SCUBE3: variants seen among roughly 807,000 people sequenced by gnomAD.
SCUBE3 encodes the protein signal peptide, CUB domain and EGF like domain containing 3, also known as signal peptide, CUB and EGF-like domain-containing protein 3.
SCUBE3 carries 33 observed loss-of-function variants against 116.8 expected under a neutral mutation model. That is an observed-to-expected ratio of 0.28 (90% CI 0.21 to 0.38). The LOEUF is 0.38. SCUBE3 is among the 10% of genes least tolerant of loss of function. The pLI is 1.00. For synonymous variants in SCUBE3, 418 were observed against 496.9 expected (o/e 0.84, Z 2.11); for missense variants, 1,007 against 1,324.8 (o/e 0.76, Z 3.72).
intron 14 of SCUBE3, 43 bp from the exon 15 acceptor site, chr6:35,242,978 C>A: frequency 6.3e-7 from 1 of 1,592,042 alleles, no homozygotes; most frequent in Non-Finnish European, 8.6e-7. Context: ...CTGCTCACAG[C>A]AACTCTTTCT....
chr6:35,242,578 C>G, intron 13 of SCUBE3, 44 bp from the exon 14 acceptor site: 2 of 1,576,902 alleles, frequency 1.3e-6, no homozygotes, highest in Non-Finnish European at 1.7e-6. Context: ...GGAGTGAGAA[C>G]TTTCCAGGGG....
At position 35,242,262 on chromosome 6, in the gene SCUBE3, C is replaced by G; in HGVS notation, c.1476C>G (p.Cys492Trp). The G allele has an allele frequency of 6.2e-7, 1 of 1,614,068 alleles. No individual in the cohort carries two copies. Among genetic ancestry groups the G allele is most frequent in the Non-Finnish European group, 8.5e-7 (1 of 1,179,926 alleles). ...CCTTCAAGATCAAGGATGCCAAATG[C>G]CGTTTGCACCTGCGAAACAAAGGCA... Reference protein sequence around the residue: ...RASFKIKDAKCRLHLRNKGKT... With the variant: ...RASFKIKDAKWRLHLRNKGKT... The change falls in exon 13 of 22, where the codon TGC becomes TGG. Residue 492 changes from cysteine (C) to tryptophan (W), a missense_variant. This residue lies in a region of SCUBE3 where 544 missense variants were observed against 638.9 expected (regional missense o/e 0.85). Coordinates refer to ENST00000274938, the MANE Select transcript of SCUBE3 (RefSeq NM_152753.4).
Position 35,239,909 on chromosome 6 carries a change from A to G in SCUBE3, c.952+35A>G. The G allele has an allele frequency of 6.4e-7, 1 of 1,552,924 alleles. No individual in the cohort carries two copies. Among genetic ancestry groups the G allele is most frequent in the Non-Finnish European group, 8.7e-7 (1 of 1,154,966 alleles). ...CTCAGCCAAAGGTGAAAGCCTTAGG[A>G]GAGGTTCTTGTGGGAGAGCTTCAAG... On this transcript the variant is annotated intron_variant, in intron 8 of 21. Transcript: ENST00000274938. This position sits in a 1 kb window ranked among gnomAD's most constrained non-coding sequence, Gnocchi z 4.1.
At chr6:35,242,388 C>T in intron 13 of SCUBE3, 68 bp downstream of exon 13, 1 of 1,206,966 alleles carries the variant, frequency 8.3e-7, no homozygotes, top group African/African-American at 1.5e-5. Flanking sequence ...CTCAGCTCCT[C>T]TGCTTCCAAA....
chr6:35,247,759 G>A (rs953326307), intron 21 of SCUBE3, among the ~76,000 whole-genome samples: 1 of 152,144 alleles, frequency 6.6e-6, no homozygotes, highest in Non-Finnish European at 1.5e-5. Context: ...ATCCACTGAC[G>A]CCATGGAAGG....
intron 3 of SCUBE3, among the ~76,000 whole-genome samples, chr6:35,229,002 G>A (rs1227529238): frequency 6.6e-6 from 1 of 152,150 alleles, no homozygotes; most frequent in Non-Finnish European, 1.5e-5. Context: ...CAGTGGTGAG[G>A]CATGGTAGGA....
intron 1 of SCUBE3, among the ~76,000 whole-genome samples, chr6:35,215,608 G>C (rs1782854134): frequency 6.6e-6 from 1 of 152,214 alleles, no homozygotes; most frequent in Non-Finnish European, 1.5e-5. Context: ...GGAAGCCTGA[G>C]TGTCCGACAC....
At chr6:35,216,932 CAT>C (rs5875511) in intron 1 of SCUBE3, among the ~76,000 whole-genome samples, 7,005 of 151,868 alleles carry the variant, frequency 0.046, 369 homozygotes, top group East Asian at 0.29. Flanking sequence ...ACTGTGCACA[CAT>C]GAGAGGTTCA....
At position 35,214,298 on chromosome 6, in the gene SCUBE3, G is replaced by C; in HGVS notation, c.-121G>C. ...TCCGCGCCCCGCGACTGCAGCCCCCGGCCTGGCCCCGGCGGGGCGCCCCCT... is the reference window on the plus strand; with the variant it reads ...TCCGCGCCCCGCGACTGCAGCCCCCCGCCTGGCCCCGGCGGGGCGCCCCCT... On this transcript the variant is annotated 5_prime_UTR_variant, in exon 1 of 22. Coordinates refer to ENST00000274938, the MANE Select transcript of SCUBE3 (RefSeq NM_152753.4). This position sits in a 1 kb window ranked among gnomAD's most constrained non-coding sequence, Gnocchi z 6.3. 1 of 451,928 alleles carries C rather than the reference G, an allele frequency of 2.2e-6. No homozygotes were observed. 28.0% of individuals were successfully genotyped at this position (451,928 alleles called of 1,614,324 possible). A position where few individuals can be genotyped will look rare whatever the true frequency, so the allele number is the denominator to read the frequency against.
At position 35,243,604 on chromosome 6, in the gene SCUBE3, G is replaced by A. The variant is rs377476932; in HGVS notation, c.1920G>A (p.Pro640=). 71 of 1,609,010 alleles carry A rather than the reference G, an allele frequency of 4.4e-5. No homozygotes were observed. The highest frequency in any genetic ancestry group is 1.1e-4 in the African/African-American group (8 of 74,838). The change falls in exon 16 of 22, where the codon CCG becomes CCA. Residue 640 remains proline, a synonymous_variant. Coordinates refer to ENST00000274938, the MANE Select transcript of SCUBE3 (RefSeq NM_152753.4). The surrounding 1 kb of genome is among the most constrained non-coding windows in gnomAD (Gnocchi z 6.6). ...CCGACTCTCCCTCAGTCAGCTGCCC[G>A]CAGGGAACGTATTACCACGGCCAGA... is the stretch of plus-strand genomic sequence containing the variant. The part of the protein sequence containing the change: ...HRAGTKCVSC[P]QGTYYHGQTE...
Position 35,248,814 on chromosome 6 carries a change from G to GAA in SCUBE3, c.*118_*119dup. The GAA allele has an allele frequency of 5.3e-6, 4 of 749,974 alleles. No homozygotes were observed. Among genetic ancestry groups the GAA allele is most frequent in the Non-Finnish European group, 8.5e-6 (4 of 470,650 alleles). 46.5% of individuals were successfully genotyped at this position (749,974 alleles called of 1,614,324 possible). A position where few individuals can be genotyped will look rare whatever the true frequency, so the allele number is the denominator to read the frequency against. ...GAACTCTCTCCTCTCTTTTTGGAGG[G>GAA]AAAAAAAAAATATCACTACACAAAC... On this transcript the variant is annotated 3_prime_UTR_variant, in exon 22 of 22. Transcript: ENST00000274938.
At chr6:35,220,752 T>A (rs1783091321) in intron 1 of SCUBE3, 1 of 152,174 alleles carries the variant, frequency 6.6e-6, no homozygotes, top group African/African-American at 2.4e-5. Context: ...AGGCTAAGCT[T>A]GAGTGAGAGG....
In SCUBE3 at chr6:35,246,304, T is replaced by G; in HGVS notation, c.2832+19T>G. The G allele has an allele frequency of 6.6e-7, 1 of 1,517,664 alleles. No individual in the cohort carries two copies. The highest frequency in any genetic ancestry group is 9.2e-7 in the Non-Finnish European group (1 of 1,092,136). The allele number at this position is 1,517,664 out of a possible 1,614,324, so 94.0% of individuals were successfully genotyped here. ...TTTAAAGGTGAATGAATATTAACAA[T>G]AATGATAGCTAACATTTAATAAGCA... On this transcript the variant is annotated intron_variant, in intron 21 of 21. Transcript: ENST00000274938.
In SCUBE3 at chr6:35,233,483, G is replaced by A. The variant is rs915197256; in HGVS notation, c.712+182G>A. Among the ~76,000 whole-genome samples, 2 of 152,084 alleles carry A rather than the reference G, an allele frequency of 1.3e-5. No homozygotes were observed. Among genetic ancestry groups the A allele is most frequent in the African/African-American group, 4.8e-5 (2 of 41,404 alleles). ...GGACAACTCAAAGAGAGACTGAAGG[G>A]CTCCCCAGCCCTCTTCCCCTCCCCA... On this transcript the variant is annotated intron_variant, in intron 6 of 21. Transcript: ENST00000274938. The surrounding 1 kb of genome is among the most constrained non-coding windows in gnomAD (Gnocchi z 5.7).
intron 7 of SCUBE3, among the ~76,000 whole-genome samples, chr6:35,238,435 G>A (rs1268483225): frequency 6.6e-6 from 1 of 152,170 alleles, no homozygotes; most frequent in African/African-American, 2.4e-5. Flanking sequence ...GGGAAATGAT[G>A]TCTACCCCTC....
rs113417519 is a variant in SCUBE3, at chr6:35,248,892, C to G, written c.*187C>G. 1.4e-4 allele frequency: 84 copies of G among 601,088 alleles called. No homozygotes were observed. The African/African-American group carries it at 1.5e-3, about 11-fold the overall frequency. The allele number at this position is 601,088 out of a possible 1,614,324, so 37.2% of individuals were successfully genotyped here. A position where few individuals can be genotyped will look rare whatever the true frequency, so the allele number is the denominator to read the frequency against. ...GTTTCCTTTCCTTGTCTCTCTCTGC[C>G]TGCCTCTCTACTGTTCCCCCTTTTC... On this transcript the variant is annotated 3_prime_UTR_variant, in exon 22 of 22. Transcript: ENST00000274938.
Position 35,240,621 on chromosome 6 carries a change from G to A in SCUBE3, c.1069+131G>A. On this transcript the variant is annotated intron_variant, in intron 9 of 21. Coordinates refer to ENST00000274938, the MANE Select transcript of SCUBE3 (RefSeq NM_152753.4). The surrounding 1 kb of genome is among the most constrained non-coding windows in gnomAD (Gnocchi z 4.6). ...TGCATGCACCATGTCTGCATCCGCT[G>A]TGACAAAATAGGAGGAATTAAGACA... is the stretch of plus-strand genomic sequence containing the variant. The A allele has an allele frequency of 1.9e-6, 1 of 540,388 alleles. No homozygotes were observed. The highest frequency in any genetic ancestry group is 2.9e-5 in the South Asian group (1 of 34,342). 33.5% of individuals were successfully genotyped at this position (540,388 alleles called of 1,614,324 possible). A position where few individuals can be genotyped will look rare whatever the true frequency, so the allele number is the denominator to read the frequency against.
Position 35,243,469 on chromosome 6 carries a change from T to G in SCUBE3, c.1910-125T>G. Reference sequence around the variant, plus strand: ...CCTCCTATCCCCCCAAGTAGGATTGTGTTTGTTCCCTGACAGAGATTCTCC... The same window carrying G: ...CCTCCTATCCCCCCAAGTAGGATTGGGTTTGTTCCCTGACAGAGATTCTCC... On this transcript the variant is annotated intron_variant, in intron 15 of 21. Coordinates refer to ENST00000274938, the MANE Select transcript of SCUBE3 (RefSeq NM_152753.4). The surrounding 1 kb of genome is among the most constrained non-coding windows in gnomAD (Gnocchi z 6.6). 2.0e-6 allele frequency: 2 copies of G among 988,492 alleles called. No individual in the cohort carries two copies. Among genetic ancestry groups the G allele is most frequent in the Non-Finnish European group, 3.0e-6 (2 of 669,008 alleles). The allele number at this position is 988,492 out of a possible 1,614,324, so 61.2% of individuals were successfully genotyped here.
chr6:35,242,627 G>A lies in SCUBE3; in HGVS notation c.1540G>A (p.Ala514Thr), dbSNP rs924997554. Residue 514 changes from alanine to threonine, a missense_variant, in exon 14 of 22, where the codon GCC (alanine) becomes ACC (threonine). Physicochemically the swap from Ala to Thr is moderately conservative, Grantham distance 58. Around this residue, in one of 5 missense-constraint regions of SCUBE3, gnomAD observed 544 missense variants for 638.9 expected, o/e 0.85. Coordinates refer to ENST00000274938, the MANE Select transcript of SCUBE3 (RefSeq NM_152753.4). Reference sequence around the variant, plus strand: ...TGACAAGCCCTCTCTCCCAGGTGGTGCCCCCTGCTCTGAATGCCAGGTCAC... The same window carrying A: ...TGACAAGCCCTCTCTCCCAGGTGGTACCCCCTGCTCTGAATGCCAGGTCAC... ...EAGRITGPGG[A>T]PCSECQVTFI... The A allele has an allele frequency of 3.7e-6, 6 of 1,607,938 alleles. No individual in the cohort carries two copies. Among genetic ancestry groups the A allele is most frequent in the African/African-American group, 2.7e-5 (2 of 74,804 alleles).
Sources: gnomAD v4.1 joint callset for allele counts (sites outside exome capture counted in the v4.1 genomes callset) on GRCh38, gnomAD v4.1.1 for gene constraint, gnomAD v4.1.1 regional missense constraint, Gnocchi (gnomAD v3.1) non-coding constraint, MANE v1.5 for transcripts, NCBI Gene and HGNC (gene_info 2026-07-23, HGNC 2026-07-21) for gene names.